CELF4: variants seen among roughly 807,000 people sequenced by gnomAD.
CELF4 encodes CUG-BP- and ETR-3-like factor 4.
A neutral mutation model predicts 59.9 loss-of-function variants in CELF4; 18 were observed. The ratio of observed to expected loss-of-function variants is 0.30; its 90% CI spans 0.21 to 0.45. The LOEUF is 0.45. Ranked by LOEUF, CELF4 falls within the 20% of genes least tolerant of loss-of-function variation. The pLI is 1.00. For missense variants in CELF4, 456 were observed against 689.0 expected (o/e 0.66, Z 3.79); for synonymous variants, 261 against 267.1 (o/e 0.98, Z 0.22).
intron 3 of CELF4, among the ~76,000 whole-genome samples, chr18:37,292,806 C>T (rs1424090522): frequency 6.6e-6 from 1 of 152,212 alleles, no homozygotes; most frequent in Non-Finnish European, 1.5e-5. Flanking sequence ...CGTTTCTGGA[C>T]ACTTTTATAA....
intron 1 of CELF4, among the ~76,000 whole-genome samples, chr18:37,508,960 TC>T (rs1477329888): frequency 6.6e-6 from 1 of 152,160 alleles, no homozygotes; most frequent in Non-Finnish European, 1.5e-5. Context: ...AACCTGTTCT[TC>T]TGCCTCCTGG....
chr18:37,456,376 A>G (rs921254774), intron 2 of CELF4, among the ~76,000 whole-genome samples: 3 of 152,100 alleles, frequency 2.0e-5, no homozygotes, highest in Non-Finnish European at 4.4e-5. Flanking sequence ...CTGCAGGCCC[A>G]GGACTCTGCC....
chr18:37,477,134 C>T (rs1260442277), intron 2 of CELF4, among the ~76,000 whole-genome samples: 8 of 152,204 alleles, frequency 5.3e-5, no homozygotes, highest in Admixed American at 5.2e-4. Flanking sequence ...CTCCCTCCCG[C>T]CCATCCTTGC....
intron 2 of CELF4, among the ~76,000 whole-genome samples, chr18:37,380,650 CATCT>C (rs1456603755): frequency 2.9e-5 from 2 of 69,008 alleles, no homozygotes; most frequent in African/African-American, 5.6e-5. Flanking sequence ...TCCATCCATC[CATCT>C]ATCCATCCAT....
intron 2 of CELF4, among the ~76,000 whole-genome samples, chr18:37,399,195 T>G (rs1218138944): frequency 6.6e-6 from 1 of 152,072 alleles, no homozygotes; most frequent in Non-Finnish European, 1.5e-5. Flanking sequence ...TAATTGCCAT[T>G]GTGATATTAA....
intron 2 of CELF4, among the ~76,000 whole-genome samples, chr18:37,364,523 T>A (rs73427282): frequency 1.4e-3 from 208 of 152,264 alleles, no homozygotes; most frequent in African/African-American, 4.8e-3. Context: ...GGCTGTGGTC[T>A]AGAGGCATGG....
intron 3 of CELF4, among the ~76,000 whole-genome samples, chr18:37,318,089 T>C (rs1185729412): frequency 3.3e-5 from 5 of 152,186 alleles, no homozygotes; most frequent in Admixed American, 3.3e-4. Context: ...AGCATTCAAG[T>C]GTGCCTGGAG....
At chr18:37,332,501 C>G (rs1396722657) in intron 2 of CELF4, among the ~76,000 whole-genome samples, 1 of 152,128 alleles carries the variant, frequency 6.6e-6, no homozygotes, top group Non-Finnish European at 1.5e-5. Flanking sequence ...TCTGCTCTCC[C>G]CACTCTCTCC....
intron 2 of CELF4, among the ~76,000 whole-genome samples, chr18:37,326,417 G>A (rs1015177400): frequency 2.0e-5 from 3 of 152,172 alleles, no homozygotes; most frequent in Admixed American, 6.5e-5. Flanking sequence ...CTCCACCAGT[G>A]CGCTGTCCTC....
At position 37,437,118 on chromosome 18, in the gene CELF4, C is replaced by T. The variant is rs1473622367; in HGVS notation, c.369+48407G>A. ...TGCAGCATAGCTGGGGGCCAGGCTC[C>T]CCAGTGGGTGGCAGGTGGCTACAAG... On this transcript the variant is annotated intron_variant, in intron 2 of 12. Coordinates refer to ENST00000420428, the MANE Select transcript of CELF4 (RefSeq NM_020180.4). Among the ~76,000 whole-genome samples, 8 of 152,212 alleles carry T rather than the reference C, an allele frequency of 5.3e-5. No homozygotes were observed. The South Asian group carries it at 1.7e-3, about 32-fold the overall frequency.
chr18:37,244,071 G>GCT lies in CELF4; in HGVS notation c.*1169_*1170dup, dbSNP rs1025696093. The GCT allele has an allele frequency of 1.3e-5, 2 of 156,220 alleles. No individual in the cohort carries two copies. Among genetic ancestry groups the GCT allele is most frequent in the African/African-American group, 4.8e-5 (2 of 41,510 alleles). The allele number at this position is 156,220 out of a possible 1,614,324, so 9.7% of individuals were successfully genotyped here. ...GCACTCGCGGGGAGAAGGGATTGAT[G>GCT]CTCTGTCTAAACTCTACAAAAGTAC... is the stretch of plus-strand genomic sequence containing the variant. On this transcript the variant is annotated 3_prime_UTR_variant, in exon 13 of 13. Coordinates refer to ENST00000420428, the MANE Select transcript of CELF4 (RefSeq NM_020180.4).
At position 37,256,214 on chromosome 18, in the gene CELF4, G is replaced by A. The variant is rs144755639; in HGVS notation, c.1334-2276C>T. On this transcript the variant is annotated intron_variant, in intron 11 of 12. Transcript: ENST00000420428. ...CCCAGGCCCTGTGGGAAGGCCCGCA[G>A]ATAGAATCCCCCTATGGTATTCCCC... 2.0e-5 allele frequency among the ~76,000 whole-genome samples: 3 copies of A among 152,326 alleles called. No homozygotes were observed. In the East Asian group the frequency reaches 5.8e-4, roughly 29 times the overall value.
At chr18:37,549,942 A>G (rs1420215798) in intron 1 of CELF4, among the ~76,000 whole-genome samples, 1 of 152,234 alleles carries the variant, frequency 6.6e-6, no homozygotes, top group Non-Finnish European at 1.5e-5. Flanking sequence ...AGTAGAATCA[A>G]AATCAGTCGA....
At chr18:37,436,785 A>G (rs1227772261) in intron 2 of CELF4, among the ~76,000 whole-genome samples, 1 of 152,072 alleles carries the variant, frequency 6.6e-6, no homozygotes, top group Non-Finnish European at 1.5e-5. Flanking sequence ...GCACTTCTGT[A>G]CCTCTGCCCA....
chr18:37,321,552 GA>G (rs1367822602), intron 3 of CELF4, among the ~76,000 whole-genome samples: 1 of 152,168 alleles, frequency 6.6e-6, no homozygotes, highest in Non-Finnish European at 1.5e-5. Flanking sequence ...AATATCCTGG[GA>G]CATGGCACTT....
intron 2 of CELF4, among the ~76,000 whole-genome samples, chr18:37,463,316 C>G (rs1197755722): frequency 6.6e-6 from 1 of 152,168 alleles, no homozygotes; most frequent in African/African-American, 2.4e-5. Flanking sequence ...GGTCAGAGAA[C>G]CAAGAGCCCA....
chr18:37,285,492 G>T (rs1434275166), intron 3 of CELF4, among the ~76,000 whole-genome samples: 1 of 152,212 alleles, frequency 6.6e-6, no homozygotes, highest in African/African-American at 2.4e-5. Flanking sequence ...CAGTATGTTT[G>T]CAGAACCAGA....
At chr18:37,488,761 A>G (rs1048578156) in intron 1 of CELF4, among the ~76,000 whole-genome samples, 1 of 152,072 alleles carries the variant, frequency 6.6e-6, no homozygotes, top group African/African-American at 2.4e-5. Flanking sequence ...TCCCCTTCCA[A>G]TGTAGAAATT....
intron 2 of CELF4, among the ~76,000 whole-genome samples, chr18:37,449,156 G>C (rs2099756260): frequency 6.6e-6 from 1 of 152,224 alleles, no homozygotes. Context: ...TCATAGGAAA[G>C]AGATGGCTTC....
Sources: gnomAD v4.1 joint callset for allele counts (sites outside exome capture counted in the v4.1 genomes callset) on GRCh38, gnomAD v4.1.1 for gene constraint, MANE v1.5 for transcripts, NCBI Gene and HGNC (gene_info 2026-07-23, HGNC 2026-07-21) for gene names.